The following RIMS1 variants were observed in gnomAD, a reference collection of about 807,000 sequenced individuals.
The protein encoded by RIMS1 is regulating synaptic membrane exocytosis 1.
In RIMS1, 83 loss-of-function variants were observed where a neutral mutation model predicts 214.1. The ratio of observed to expected loss-of-function variants is 0.39; its 90% CI spans 0.32 to 0.47. RIMS1 has a LOEUF of 0.47. Ranked by LOEUF, RIMS1 falls within the 20% of genes least tolerant of loss-of-function variation. The pLI, the probability that RIMS1 is intolerant of heterozygous loss-of-function variation, is 0.99. For synonymous variants in RIMS1, 793 were observed against 786.8 expected (o/e 1.01, Z -0.13); for missense variants, 2,050 against 2,161.8 (o/e 0.95, Z 1.03).
chr6:72,021,079 A>G (rs1814505454), intron 2 of RIMS1, among the ~76,000 whole-genome samples: 1 of 152,228 alleles, frequency 6.6e-6, no homozygotes, highest in Non-Finnish European at 1.5e-5. Flanking sequence ...TACATTCATA[A>G]GAACATGCCC....
At chr6:71,940,707 G>T (rs922021634) in intron 1 of RIMS1, among the ~76,000 whole-genome samples, 4 of 152,166 alleles carry the variant, frequency 2.6e-5, no homozygotes, top group African/African-American at 9.6e-5. Flanking sequence ...AAGATTTGGC[G>T]AGGTAAGTTG....
At chr6:72,058,146 T>A (rs1826855698) in intron 2 of RIMS1, among the ~76,000 whole-genome samples, 1 of 152,218 alleles carries the variant, frequency 6.6e-6, no homozygotes, top group South Asian at 2.1e-4. Flanking sequence ...CAAACCCTGA[T>A]CTTGTAAAAT....
At chr6:72,374,526 C>T (rs2098321283) in intron 29 of RIMS1, among the ~76,000 whole-genome samples, 1 of 152,186 alleles carries the variant, frequency 6.6e-6, no homozygotes, top group Non-Finnish European at 1.5e-5. Context: ...CAAATTAGCA[C>T]AATTTACATT....
intron 1 of RIMS1, among the ~76,000 whole-genome samples, chr6:71,945,906 C>G (rs1043725866): frequency 6.6e-6 from 1 of 151,982 alleles, no homozygotes; most frequent in Admixed American, 6.6e-5. Context: ...CCTGCCACTA[C>G]GCTCAGCTAA....
chr6:72,081,395 G>C (rs1833358371), intron 2 of RIMS1, among the ~76,000 whole-genome samples: 1 of 152,108 alleles, frequency 6.6e-6, no homozygotes, highest in African/African-American at 2.4e-5. Context: ...TCTGTCCAGG[G>C]TTCTGACACA....
chr6:71,968,441 C>G (rs1398682069), intron 1 of RIMS1, among the ~76,000 whole-genome samples: 3 of 151,954 alleles, frequency 2.0e-5, no homozygotes, highest in African/African-American at 7.3e-5. Context: ...TATATATGAA[C>G]ATTTCTTTGA....
At chr6:72,067,803 C>T (rs1427948953) in intron 2 of RIMS1, among the ~76,000 whole-genome samples, 1 of 152,142 alleles carries the variant, frequency 6.6e-6, no homozygotes, top group Admixed American at 6.6e-5. Context: ...ATACTCTTTT[C>T]CAATGATACA....
intron 2 of RIMS1, among the ~76,000 whole-genome samples, chr6:71,985,932 C>T (rs868771115): frequency 3.4e-4 from 52 of 152,154 alleles, no homozygotes; most frequent in African/African-American, 1.2e-3. Context: ...GGGTTAGTCT[C>T]TCTACTTTGT....
At chr6:72,255,775 C>T (rs895794603) in intron 16 of RIMS1, among the ~76,000 whole-genome samples, 10 of 152,228 alleles carry the variant, frequency 6.6e-5, no homozygotes, top group South Asian at 2.1e-4. Context: ...CGGTGGCTCA[C>T]GCCTGTAATC....
chr6:72,198,664 G>A (rs116852723), intron 6 of RIMS1, among the ~76,000 whole-genome samples: 2,208 of 151,908 alleles, frequency 0.015, 18 homozygotes, highest in Middle Eastern at 0.031. Context: ...GACTTAAAAT[G>A]TTCCCAACAT....
intron 2 of RIMS1, among the ~76,000 whole-genome samples, chr6:72,067,567 T>G (rs1829618918): frequency 6.6e-6 from 1 of 152,220 alleles, no homozygotes; most frequent in Non-Finnish European, 1.5e-5. Context: ...TACTCAGTGA[T>G]CATAGCATCT....
At chr6:72,288,084 C>A (rs1228355223) in intron 24 of RIMS1, among the ~76,000 whole-genome samples, 1 of 152,034 alleles carries the variant, frequency 6.6e-6, no homozygotes, top group Non-Finnish European at 1.5e-5. Context: ...CCACTTTTTT[C>A]TCATGATACA....
At chr6:72,057,473 G>C (rs1340763293) in intron 2 of RIMS1, among the ~76,000 whole-genome samples, 1 of 145,836 alleles carries the variant, frequency 6.9e-6, no homozygotes, top group African/African-American at 2.5e-5. Flanking sequence ...TGTAATTATT[G>C]TCCAAATCAG....
At chr6:72,388,407 A>G (rs903643692) in intron 29 of RIMS1, among the ~76,000 whole-genome samples, 1 of 152,256 alleles carries the variant, frequency 6.6e-6, no homozygotes, top group East Asian at 1.9e-4. Context: ...GAGGTGTCCA[A>G]GGACCAGATG....
chr6:72,063,915 T>C (rs1828573002), intron 2 of RIMS1, among the ~76,000 whole-genome samples: 1 of 152,198 alleles, frequency 6.6e-6, no homozygotes, highest in South Asian at 2.1e-4. Flanking sequence ...CATTGGCTTG[T>C]AGATCACTAT....
chr6:72,252,815 T>G lies in RIMS1; in HGVS notation c.2753T>G (p.Ile918Ser). ...DISDYEVDDG[I>S]GVVPPVGYRS... ...TCAGATTATGAGGTTGATGATGGTA[T>G]TGGCGTAGTTCCTCCAGGTGCGTGG... The change falls in exon 16 of 34, where the codon ATT (isoleucine) becomes AGT (serine). Residue 918 changes from isoleucine (I) to serine (S), a missense_variant. Physicochemically the swap from Ile to Ser is moderately radical, Grantham distance 142 (BLOSUM62 -2). Coordinates refer to ENST00000521978, the MANE Select transcript of RIMS1 (RefSeq NM_014989.7). 1 of 1,556,422 alleles carries G rather than the reference T, an allele frequency of 6.4e-7. No homozygotes were observed. The highest frequency in any genetic ancestry group is 8.7e-7 in the Non-Finnish European group (1 of 1,149,062).
intron 24 of RIMS1, 25 bp downstream of exon 24, chr6:72,284,143 G>T: frequency 1.3e-6 from 2 of 1,591,258 alleles, no homozygotes; most frequent in South Asian, 2.2e-5. Context: ...GTGGTGTGCT[G>T]ACATCTTCCA....
intron 2 of RIMS1, among the ~76,000 whole-genome samples, chr6:72,025,228 G>A (rs911832901): frequency 6.6e-6 from 1 of 151,874 alleles, no homozygotes; most frequent in African/African-American, 2.4e-5. Flanking sequence ...TTTTTGCCAC[G>A]TGCTCCTTAT....
At chr6:72,217,325 A>G (rs1483573231) in intron 6 of RIMS1, 4 of 1,256,072 alleles carry the variant, frequency 3.2e-6, no homozygotes, top group East Asian at 5.2e-5. Flanking sequence ...GTAAGATACT[A>G]AAATGTTTCA....
Sources: allele counts gnomAD v4.1 joint callset (sites outside exome capture counted in the v4.1 genomes callset), GRCh38; gene constraint gnomAD v4.1.1; transcripts MANE v1.5; gene names NCBI Gene and HGNC (gene_info 2026-07-23, HGNC 2026-07-21).